ARHGEF18: variants seen among roughly 807,000 people sequenced by gnomAD.
The protein encoded by ARHGEF18 is Rho/Rac guanine nucleotide exchange factor 18.
In ARHGEF18, 93 loss-of-function variants were observed where a neutral mutation model predicts 155.7. That is an observed-to-expected ratio of 0.60 (90% CI 0.50 to 0.71). The LOEUF is 0.71. Ranked by LOEUF, ARHGEF18 falls within the 30% of genes least tolerant of loss-of-function variation. The pLI is 0.00. For missense variants in ARHGEF18, 1,593 were observed against 1,816.1 expected, an observed-to-expected ratio of 0.88 and a Z score of 2.23; for synonymous variants, 742 against 753.1, an observed-to-expected ratio of 0.99 and a Z score of 0.24.
chr19:7,441,783 C>T lies in ARHGEF18; in HGVS notation c.1219+18C>T. The T allele has an allele frequency of 1.9e-6, 3 of 1,613,174 alleles. No individual in the cohort carries two copies. Among genetic ancestry groups the T allele is most frequent in the Admixed American group, 1.7e-5 (1 of 60,022 alleles). On this transcript the variant is annotated intron_variant, in intron 12 of 28. Coordinates refer to ENST00000668164, the MANE Select transcript of ARHGEF18 (RefSeq NM_001367823.1). ...TGTAGAAGGTATGGTCATCTCCGCT[C>T]TCTCGCGGCTGCCACACAGTTCCTG...
intron 2 of ARHGEF18, among the ~76,000 whole-genome samples, chr19:7,367,511 C>G (rs1384683320): frequency 1.3e-5 from 2 of 151,872 alleles, no homozygotes; most frequent in South Asian, 2.1e-4. Context: ...CTTTGGGAGG[C>G]TGAGGCAGGC....
chr19:7,476,754 C>T (rs531397377), downstream of ARHGEF18: 1 of 159,302 alleles, frequency 6.3e-6, no homozygotes, highest in South Asian at 2.0e-4. Context: ...AGAGGACCCA[C>T]CGGGCTGAGG....
the ARHGEF18 span, chr19:7,478,493 G>A: frequency 9.3e-7 from 1 of 1,073,640 alleles, no homozygotes; most frequent in Non-Finnish European, 1.4e-6. Flanking sequence ...TAAACGGCCT[G>A]CCCTCTCCCT....
chr19:7,467,727 G>T, intron 26 of ARHGEF18, 43 bp downstream of exon 26: 1 of 1,419,346 alleles, frequency 7.0e-7, no homozygotes, highest in Admixed American at 3.1e-5. Context: ...GGGGTGACCG[G>T]TTTGCACGTG....
In ARHGEF18 at chr19:7,451,161, T is replaced by C. The variant is rs773809682; in HGVS notation, c.1750T>C (p.Phe584Leu). Residue 584 changes from phenylalanine to leucine, a missense_variant, in exon 16 of 29, where the codon TTC becomes CTC. Physicochemically the swap from Phe to Leu is conservative, Grantham distance 22 (BLOSUM62 0). Transcript: ENST00000668164. ...TTCTGTTTCCTAGAAAATTGGCAAC[T>C]TCTCCATCGTGCGGCGGCTTGGCGT... ...FQNLIKKIGNFSIVRRLGVQE... is the reference protein window; with the variant it reads ...FQNLIKKIGNLSIVRRLGVQE... The C allele has an allele frequency of 1.1e-5, 16 of 1,488,264 alleles. 1 individual carries two copies. In the South Asian group the frequency reaches 1.7e-4, roughly 16 times the overall value. 92.2% of individuals were successfully genotyped at this position (1,488,264 alleles called of 1,614,324 possible).
intron 10 of ARHGEF18, among the ~76,000 whole-genome samples, chr19:7,410,342 A>G (rs1406967790): frequency 6.6e-6 from 1 of 151,682 alleles, no homozygotes; most frequent in Non-Finnish European, 1.5e-5. Flanking sequence ...GCTGACATTT[A>G]TTTGCTGTTT....
chr19:7,378,684 C>CG (rs1970578376), intron 6 of ARHGEF18, among the ~76,000 whole-genome samples: 1 of 88,134 alleles, frequency 1.1e-5, no homozygotes, highest in Non-Finnish European at 2.1e-5. Flanking sequence ...ACAATTGTGG[C>CG]TTTTTTTTTT....
chr19:7,414,216 C>T (rs1446524017), intron 10 of ARHGEF18, among the ~76,000 whole-genome samples: 4 of 149,670 alleles, frequency 2.7e-5, no homozygotes, highest in African/African-American at 9.8e-5. Context: ...AAAATGTCTC[C>T]AGACTCTGCC....
chr19:7,471,056 C>T lies in ARHGEF18; in HGVS notation c.*758C>T, dbSNP rs1976992872. On this transcript the variant is annotated 3_prime_UTR_variant, in exon 29 of 29. Coordinates refer to ENST00000668164, the MANE Select transcript of ARHGEF18 (RefSeq NM_001367823.1). This position sits in a 1 kb window ranked among gnomAD's most constrained non-coding sequence, Gnocchi z 4.4. ...CAGCTGTTTCCCAAACTCTGCTTCC[C>T]AAGGGCAACCGTTGCTGTTCACACG... 1 of 367,398 alleles carries T rather than the reference C, an allele frequency of 2.7e-6. No individual in the cohort carries two copies. Among genetic ancestry groups the T allele is most frequent in the Non-Finnish European group, 4.8e-6 (1 of 206,700 alleles). The allele number at this position is 367,398 out of a possible 1,614,324, so 22.8% of individuals were successfully genotyped here.
At chr19:7,446,632 T>C (rs1975007285) in intron 14 of ARHGEF18, among the ~76,000 whole-genome samples, 3 of 151,674 alleles carry the variant, frequency 2.0e-5, no homozygotes, top group Admixed American at 2.0e-4. Context: ...TCTCAGCTAC[T>C]CAGGAGGCTG....
At chr19:7,423,557 C>T (rs532083211) in intron 10 of ARHGEF18, among the ~76,000 whole-genome samples, 13 of 151,942 alleles carry the variant, frequency 8.6e-5, no homozygotes, top group Non-Finnish European at 5.9e-5. Context: ...AAAAATTAGC[C>T]GGGCGTGGTA....
At chr19:7,473,408 A>G (rs1184968881), downstream of ARHGEF18, 2 of 406,650 alleles carry the variant, frequency 4.9e-6, no homozygotes, top group Admixed American at 5.4e-5. Context: ...CATCCCTGTA[A>G]TCCCAGCATT....
intron 10 of ARHGEF18, among the ~76,000 whole-genome samples, chr19:7,430,735 T>G (rs1383875156): frequency 1.3e-5 from 2 of 151,996 alleles, no homozygotes; most frequent in African/African-American, 4.8e-5. Flanking sequence ...AGCCCAGGAA[T>G]TCGTAACTGC....
Position 7,467,313 on chromosome 19 carries a change from C to T in ARHGEF18, c.3109C>T (p.Leu1037=), listed in dbSNP as rs1976696801. ...FRLQSTRGNL[L]LEQERQRNFE... The stretch of plus-strand genomic sequence containing the variant: ...GCTGCAGTCGACGCGTGGGAACCTG[C>T]TGCTGGAGCAGGAGCGGCAACGCAA... Residue 1037 remains leucine, a synonymous_variant, in exon 26 of 29, where the codon CTG becomes TTG. Transcript: ENST00000668164. 3 of 1,540,394 alleles carry T rather than the reference C, an allele frequency of 1.9e-6. No individual in the cohort carries two copies. The South Asian group carries it at 3.5e-5, about 18-fold the overall frequency.
chr19:7,472,502 T>G (rs1600569939), downstream of ARHGEF18: 1 of 164,118 alleles, frequency 6.1e-6, no homozygotes, highest in Admixed American at 5.6e-5. Flanking sequence ...TGCACGTTCT[T>G]GGAGGTTTTA....
At chr19:7,437,056 C>A (rs1600434829) in intron 10 of ARHGEF18, among the ~76,000 whole-genome samples, 1 of 152,134 alleles carries the variant, frequency 6.6e-6, no homozygotes. Flanking sequence ...GGCAAGAATT[C>A]TTGACTCCTC....
At chr19:7,465,856 C>T (rs573190893) in intron 23 of ARHGEF18, among the ~76,000 whole-genome samples, 18 of 152,224 alleles carry the variant, frequency 1.2e-4, no homozygotes, top group Middle Eastern at 3.4e-3. Context: ...GAGGCCGACT[C>T]GGGTGATCAC....
intron 7 of ARHGEF18, among the ~76,000 whole-genome samples, chr19:7,380,490 A>AC (rs1970682196): frequency 6.6e-6 from 1 of 151,424 alleles, no homozygotes; most frequent in South Asian, 2.1e-4. Flanking sequence ...AAAAAAAAAA[A>AC]AACTGTGTAA....
chr19:7,387,949 GCCA>G (rs148825743), intron 10 of ARHGEF18, among the ~76,000 whole-genome samples: 30,054 of 151,336 alleles, frequency 0.2, 3,759 homozygotes, highest in Non-Finnish European at 0.26. Context: ...ATAGGCATGA[GCCA>G]CCGTGTCTGG....
Sources: allele counts gnomAD v4.1 joint callset (sites outside exome capture counted in the v4.1 genomes callset), GRCh38; gene constraint gnomAD v4.1.1; non-coding constraint Gnocchi (gnomAD v3.1); transcripts MANE v1.5; gene names NCBI Gene and HGNC (gene_info 2026-07-23, HGNC 2026-07-21).